The following RGPD2 variants were observed in gnomAD, a reference collection of about 807,000 sequenced individuals.
RGPD2 encodes RANBP2-like and GRIP domain-containing protein 2.
In RGPD2, 2 loss-of-function variants were observed where a neutral mutation model predicts 36.0. The observed-to-expected ratio is 0.06, with a 90% CI of 0.02 to 0.17. The LOEUF is 0.17. RGPD2 is among the 10% of genes least tolerant of loss of function. RGPD2 has a pLI of 1.00. For missense variants in RGPD2, 40 were observed against 464.3 expected (o/e 0.09, Z 8.40); for synonymous variants, 19 against 163.8 (o/e 0.12, Z 6.75).
chr2:87,854,116 T>C, the RGPD2 span, among the ~76,000 whole-genome samples: 2 of 139,914 alleles, frequency 1.4e-5, no homozygotes, highest in African/African-American at 5.4e-5. Context: ...ATTATTGTTA[T>C]TATTATTTTG....
chr2:87,940,887 T>C, the RGPD2 span, among the ~76,000 whole-genome samples: 1 of 151,672 alleles, frequency 6.6e-6, no homozygotes, highest in African/African-American at 2.4e-5. Flanking sequence ...CAAATCAATA[T>C]CCACAATGTC....
chr2:87,887,499 A>AT, the RGPD2 span, among the ~76,000 whole-genome samples: 1 of 151,956 alleles, frequency 6.6e-6, no homozygotes, highest in Admixed American at 6.6e-5. Context: ...TACTACATAG[A>AT]TTTTACATTG....
At chr2:87,884,150 G>A in the RGPD2 span, among the ~76,000 whole-genome samples, 1 of 152,050 alleles carries the variant, frequency 6.6e-6, no homozygotes, top group African/African-American at 2.4e-5. Context: ...AAGAGTCATG[G>A]AAAATTCACA....
chr2:87,880,881 A>G, the RGPD2 span, among the ~76,000 whole-genome samples: 1 of 108,648 alleles, frequency 9.2e-6, no homozygotes, highest in Non-Finnish European at 1.8e-5. Flanking sequence ...CTGTGAAATC[A>G]AAAGCAAGTT....
chr2:87,921,720 G>A, the RGPD2 span, among the ~76,000 whole-genome samples: 5 of 152,134 alleles, frequency 3.3e-5, no homozygotes, highest in African/African-American at 7.2e-5. Flanking sequence ...CTTCTACAAT[G>A]TCACATTACC....
At chr2:87,936,295 C>T in the RGPD2 span, among the ~76,000 whole-genome samples, 1 of 151,702 alleles carries the variant, frequency 6.6e-6, no homozygotes, top group East Asian at 1.9e-4. Context: ...CGCAGAGTTG[C>T]ACAGAACATA....
chr2:87,825,398 C>CGGCCA (rs1686675790), intron 1 of RGPD2, among the ~76,000 whole-genome samples: 1 of 137,444 alleles, frequency 7.3e-6, no homozygotes, highest in Non-Finnish European at 1.6e-5. Flanking sequence ...CGCCGCCGCC[C>CGGCCA]GGCCAGGCCG....
At chr2:87,860,153 A>G in the RGPD2 span, among the ~76,000 whole-genome samples, 1 of 152,126 alleles carries the variant, frequency 6.6e-6, no homozygotes, top group Admixed American at 6.6e-5. Flanking sequence ...TCAGGCTTCT[A>G]TTACAAACTA....
upstream of RGPD2, chr2:87,825,996 G>A (rs1181799461): frequency 2.0e-5 from 9 of 447,652 alleles, no homozygotes; most frequent in Non-Finnish European, 3.2e-5. Context: ...CAACACTTTG[G>A]GAGGCCGAGG....
intron 21 of RGPD2, among the ~76,000 whole-genome samples, chr2:87,772,702 A>T (rs1360308911): frequency 1.3e-5 from 1 of 77,684 alleles, no homozygotes; most frequent in African/African-American, 4.8e-5. Flanking sequence ...TGGAAGGAAG[A>T]GGGGTGAAGT....
At chr2:87,769,188 G>C (rs1455480034) in intron 22 of RGPD2, among the ~76,000 whole-genome samples, 2 of 111,654 alleles carry the variant, frequency 1.8e-5, no homozygotes, top group African/African-American at 3.2e-5. Flanking sequence ...GGCTGGTCTC[G>C]AACTCCTGAC....
chr2:87,891,733 GGAA>G, the RGPD2 span, among the ~76,000 whole-genome samples: 2 of 20,864 alleles, frequency 9.6e-5, no homozygotes, highest in East Asian at 1.5e-3. Flanking sequence ...CCTGTGACCT[GGAA>G]GCCCCCTCCC....
chr2:87,759,032 C>T (rs1199869860), intron 22 of RGPD2, among the ~76,000 whole-genome samples: 7 of 135,908 alleles, frequency 5.2e-5, no homozygotes, highest in East Asian at 2.1e-4. Flanking sequence ...TTTTTTTTTT[C>T]TGAGACAGAA....
At chr2:87,857,485 G>A in the RGPD2 span, among the ~76,000 whole-genome samples, 7 of 151,566 alleles carry the variant, frequency 4.6e-5, no homozygotes, top group African/African-American at 9.7e-5. Flanking sequence ...TGGGACTACA[G>A]GCGCCCGCCT....
chr2:87,839,813 A>G, the RGPD2 span, among the ~76,000 whole-genome samples: 1 of 151,986 alleles, frequency 6.6e-6, no homozygotes, highest in South Asian at 2.1e-4. Flanking sequence ...AAATCCACCT[A>G]CTGGGTACTA....
chr2:87,858,145 G>A, the RGPD2 span, among the ~76,000 whole-genome samples: 18 of 152,256 alleles, frequency 1.2e-4, no homozygotes, highest in Middle Eastern at 3.4e-3. Context: ...AGGCATGGTG[G>A]TGCGTGCCTG....
chr2:87,874,221 T>C, the RGPD2 span, among the ~76,000 whole-genome samples: 1 of 135,572 alleles, frequency 7.4e-6, no homozygotes, highest in Non-Finnish European at 1.6e-5. Flanking sequence ...TTTAATTTAA[T>C]TAGATACCAC....
chr2:87,945,082 G>T, the RGPD2 span, among the ~76,000 whole-genome samples: 6 of 151,182 alleles, frequency 4.0e-5, no homozygotes, highest in Non-Finnish European at 5.9e-5. Context: ...TCATAAACAG[G>T]AACACAAAAA....
the RGPD2 span, among the ~76,000 whole-genome samples, chr2:87,871,604 G>A: frequency 1.1e-4 from 17 of 151,638 alleles, no homozygotes; most frequent in African/African-American, 3.9e-4. Flanking sequence ...GGTGGCTCAC[G>A]CCTATAATCC....
Sources: allele counts gnomAD v4.1 joint callset (sites outside exome capture counted in the v4.1 genomes callset), GRCh38; gene constraint gnomAD v4.1.1; transcripts MANE v1.5; gene names NCBI Gene and HGNC (gene_info 2026-07-23, HGNC 2026-07-21).